The following DENND5B variants were observed in gnomAD, a reference collection of about 807,000 sequenced individuals.
The protein encoded by DENND5B is DENN domain-containing protein 5B.
A neutral mutation model predicts 140.6 loss-of-function variants in DENND5B; 34 were observed. That is an observed-to-expected ratio of 0.24 (90% CI 0.18 to 0.32). The LOEUF is 0.32. Ranked by LOEUF, DENND5B falls within the 10% of genes least tolerant of loss-of-function variation. The pLI is 1.00. For missense variants in DENND5B, 1,142 were observed against 1,560.2 expected (o/e 0.73, Z 4.52); for synonymous variants, 551 against 562.1 (o/e 0.98, Z 0.28).
At chr12:31,563,792 C>T (rs1949547914) in intron 1 of DENND5B, among the ~76,000 whole-genome samples, 1 of 152,092 alleles carries the variant, frequency 6.6e-6, no homozygotes, top group Non-Finnish European at 1.5e-5. Context: ...AACTTTTAAT[C>T]ATATGCTCTC....
intron 7 of DENND5B, among the ~76,000 whole-genome samples, chr12:31,437,245 C>T (rs192229214): frequency 0.011 from 1,720 of 151,956 alleles, 19 homozygotes; most frequent in East Asian, 0.032. Context: ...CGGGTTCATG[C>T]CATTCTCCTG....
chr12:31,560,774 G>C (rs915324671), intron 1 of DENND5B, among the ~76,000 whole-genome samples: 1 of 152,006 alleles, frequency 6.6e-6, no homozygotes, highest in Admixed American at 6.6e-5. Context: ...AGGGTTACTC[G>C]AACTCACCAG....
In DENND5B at chr12:31,386,489, C is replaced by T. The variant is rs1056453289; in HGVS notation, c.*1114G>A. On this transcript the variant is annotated 3_prime_UTR_variant, in exon 21 of 21. Coordinates refer to ENST00000389082, the MANE Select transcript of DENND5B (RefSeq NM_144973.4). ...TATTACTCCCCTTCCTACAAAGGAA[C>T]GTAAAGCTTGCCCTGAAACACCCAG... is the stretch of plus-strand genomic sequence containing the variant. 1.3e-5 allele frequency: 2 copies of T among 152,224 alleles called. No individual in the cohort carries two copies. The highest frequency in any genetic ancestry group is 2.9e-5 in the Non-Finnish European group (2 of 68,054). The allele number at this position is 152,224 out of a possible 1,614,324, so 9.4% of individuals were successfully genotyped here. A position where few individuals can be genotyped will look rare whatever the true frequency, so the allele number is the denominator to read the frequency against.
chr12:31,391,384 C>G (rs1328638351), intron 19 of DENND5B, among the ~76,000 whole-genome samples: 1 of 152,190 alleles, frequency 6.6e-6, no homozygotes, highest in East Asian at 1.9e-4. Context: ...TGAAAGACCA[C>G]TCCCCACTTT....
chr12:31,481,056 CAG>C (rs1457616206), intron 2 of DENND5B, among the ~76,000 whole-genome samples: 3 of 152,136 alleles, frequency 2.0e-5, no homozygotes, highest in African/African-American at 7.2e-5. Context: ...AGTGAAATTA[CAG>C]AAAAGTTGAA....
intron 1 of DENND5B, among the ~76,000 whole-genome samples, chr12:31,518,037 G>A (rs981392355): frequency 1.3e-5 from 2 of 152,090 alleles, no homozygotes; most frequent in African/African-American, 2.4e-5. Flanking sequence ...GTAGATCTGC[G>A]GGCAGTCTCT....
intron 2 of DENND5B, among the ~76,000 whole-genome samples, chr12:31,486,626 ACTT>A (rs1458249714): frequency 6.6e-6 from 1 of 152,142 alleles, no homozygotes; most frequent in African/African-American, 2.4e-5. Flanking sequence ...TACCTCAACT[ACTT>A]ATTATTTGGT....
intron 2 of DENND5B, among the ~76,000 whole-genome samples, chr12:31,481,631 T>C (rs1420728715): frequency 1.3e-5 from 2 of 151,966 alleles, no homozygotes; most frequent in East Asian, 3.9e-4. Flanking sequence ...CCAGAAGAGT[T>C]TGAGGAACTG....
At chr12:31,458,882 A>G (rs1421869062) in intron 4 of DENND5B, among the ~76,000 whole-genome samples, 1 of 152,212 alleles carries the variant, frequency 6.6e-6, no homozygotes, top group South Asian at 2.1e-4. Flanking sequence ...TTTCATTTCA[A>G]AGACCTTACA....
At chr12:31,471,489 C>G (rs962715249) in intron 3 of DENND5B, among the ~76,000 whole-genome samples, 5 of 104,864 alleles carry the variant, frequency 4.8e-5, no homozygotes, top group Non-Finnish European at 8.8e-5. Flanking sequence ...TTTGTAGAGA[C>G]AGGGTTTCGT....
At chr12:31,519,931 C>T (rs1008714936) in intron 1 of DENND5B, among the ~76,000 whole-genome samples, 6 of 152,156 alleles carry the variant, frequency 3.9e-5, no homozygotes, top group African/African-American at 1.4e-4. Context: ...AAACCCTGCA[C>T]CTCACCTTAG....
chr12:31,542,038 A>T (rs887818624), intron 1 of DENND5B, among the ~76,000 whole-genome samples: 4 of 152,240 alleles, frequency 2.6e-5, no homozygotes, highest in Non-Finnish European at 5.9e-5. Flanking sequence ...CTGTAATCCC[A>T]GCACTTTGGG....
At chr12:31,435,765 A>G (rs889275347) in intron 7 of DENND5B, among the ~76,000 whole-genome samples, 2 of 151,972 alleles carry the variant, frequency 1.3e-5, no homozygotes, top group African/African-American at 4.8e-5. Flanking sequence ...GGTTCAAGTG[A>G]TTCTCCTGCC....
intron 1 of DENND5B, among the ~76,000 whole-genome samples, chr12:31,526,216 T>C (rs942748038): frequency 2.0e-5 from 3 of 152,162 alleles, no homozygotes; most frequent in Non-Finnish European, 4.4e-5. Context: ...AGGAATTCGA[T>C]ACAGTTCATT....
At chr12:31,556,005 C>T (rs1246983473) in intron 1 of DENND5B, among the ~76,000 whole-genome samples, 3 of 152,224 alleles carry the variant, frequency 2.0e-5, no homozygotes, top group Non-Finnish European at 2.9e-5. Context: ...TTGCGCTTCC[C>T]GGGTGAGGTG....
rs141771351 is a variant in DENND5B at position 31,446,133 on chromosome 12, G to A, written c.1861+1405C>T. ...TACACTCCTAGACAAGACTGGCTAA[G>A]ACTCAGATTTAACTGCTTTCTTTTT... On this transcript the variant is annotated intron_variant, in intron 6 of 20. Coordinates refer to ENST00000389082, the MANE Select transcript of DENND5B (RefSeq NM_144973.4). 1.2e-4 allele frequency among the ~76,000 whole-genome samples: 19 copies of A among 152,208 alleles called. No homozygotes were observed. In the East Asian group the frequency reaches 3.7e-3, roughly 29 times the overall value.
Position 31,443,501 on chromosome 12 carries a change from G to A in DENND5B, c.1862-576C>T, listed in dbSNP as rs151099945. 6.8e-4 allele frequency among the ~76,000 whole-genome samples: 104 copies of A among 152,188 alleles called. 1 individual carries two copies. The East Asian group carries it at 0.013, about 19-fold the overall frequency. On this transcript the variant is annotated intron_variant, in intron 6 of 20. Transcript: ENST00000389082. ...CTGCCTTTGTCAAAATCAGGGCCGC[G>A]GGGATGAAAAGCCTACAATTTTGTA...
chr12:31,393,366 C>T (rs1941253272), intron 17 of DENND5B, among the ~76,000 whole-genome samples: 1 of 152,152 alleles, frequency 6.6e-6, no homozygotes. Flanking sequence ...CCCAGAACTC[C>T]CTCCCTTCCT....
intron 1 of DENND5B, among the ~76,000 whole-genome samples, chr12:31,564,561 C>CTATAT (rs374326599): frequency 7.3e-6 from 1 of 136,062 alleles, no homozygotes; most frequent in African/African-American, 2.7e-5. Flanking sequence ...TCTTTTCATT[C>CTATAT]TATTATTATT....
Sources: gnomAD v4.1 joint callset for allele counts (sites outside exome capture counted in the v4.1 genomes callset) on GRCh38, gnomAD v4.1.1 for gene constraint, MANE v1.5 for transcripts, NCBI Gene and HGNC (gene_info 2026-07-23, HGNC 2026-07-21) for gene names.